Variants in HTR1F observed in about 807,000 individuals in gnomAD.
HTR1F encodes the protein 5-hydroxytryptamine receptor 1F.
HTR1F carries 17 observed loss-of-function variants against 24.0 expected under a neutral mutation model. The observed-to-expected ratio is 0.71, with a 90% CI of 0.48 to 1.06. The LOEUF (loss-of-function observed/expected upper bound fraction) is 1.06, where lower values mean the gene tolerates loss of function less well. Ranked by LOEUF, HTR1F falls within the 50% of genes least tolerant of loss-of-function variation. The probability of loss-of-function intolerance (pLI) is 0.00; values close to 1 mark genes in which losing one functional copy is unlikely to be tolerated. For synonymous variants in HTR1F, 186 were observed against 156.8 expected (o/e 1.19, Z -1.39); for missense variants, 391 against 427.8 (o/e 0.91, Z 0.76).
intron 2 of HTR1F, among the ~76,000 whole-genome samples, chr3:87,931,195 C>T (rs1704260775): frequency 6.6e-6 from 1 of 151,996 alleles, no homozygotes; most frequent in Admixed American, 6.6e-5. Context: ...CTATCACTCC[C>T]CCCTCCCCCA....
At chr3:87,877,455 C>A (rs1259353703) in intron 2 of HTR1F, among the ~76,000 whole-genome samples, 2 of 151,888 alleles carry the variant, frequency 1.3e-5, no homozygotes, top group African/African-American at 2.4e-5. Flanking sequence ...TGGGGGATTA[C>A]TAGTTACATG....
At chr3:87,930,264 A>G (rs1233668541) in intron 2 of HTR1F, among the ~76,000 whole-genome samples, 1 of 152,094 alleles carries the variant, frequency 6.6e-6, no homozygotes, top group Non-Finnish European at 1.5e-5. Context: ...TTCCTATTTG[A>G]TGCCCTCTGT....
At chr3:87,953,297 CTATT>C (rs1704873893) in intron 2 of HTR1F, among the ~76,000 whole-genome samples, 1 of 151,018 alleles carries the variant, frequency 6.6e-6, no homozygotes, top group African/African-American at 2.4e-5. Context: ...TGTTTGCAAA[CTATT>C]TATGTGACAA....
At chr3:87,812,096 G>A (rs1575896348) in intron 1 of HTR1F, among the ~76,000 whole-genome samples, 2 of 152,182 alleles carry the variant, frequency 1.3e-5, no homozygotes, top group East Asian at 3.9e-4. Context: ...CCCAGTCTTG[G>A]GCAGTCCTTT....
intron 2 of HTR1F, among the ~76,000 whole-genome samples, chr3:87,930,223 T>A (rs994752196): frequency 6.6e-6 from 1 of 152,228 alleles, no homozygotes; most frequent in Admixed American, 6.5e-5. Flanking sequence ...AATAGTGTCA[T>A]CTGCAAACAG....
chr3:87,971,036 C>T (rs542847199), intron 2 of HTR1F, among the ~76,000 whole-genome samples: 1 of 152,298 alleles, frequency 6.6e-6, no homozygotes, highest in East Asian at 1.9e-4. Context: ...CCACAGATGA[C>T]ACTACCTTCC....
chr3:87,860,707 T>A (rs547689267), intron 2 of HTR1F, among the ~76,000 whole-genome samples: 1 of 152,320 alleles, frequency 6.6e-6, no homozygotes, highest in Admixed American at 6.5e-5. Flanking sequence ...TCAGTCATAG[T>A]TCAGCATTCA....
intron 2 of HTR1F, among the ~76,000 whole-genome samples, chr3:87,966,740 C>T (rs1705171060): frequency 6.6e-6 from 1 of 152,060 alleles, no homozygotes. Flanking sequence ...TTTGTCAGGG[C>T]GTGGAAAATT....
intron 2 of HTR1F, among the ~76,000 whole-genome samples, chr3:87,937,865 A>G (rs1704463598): frequency 6.6e-6 from 1 of 151,072 alleles, no homozygotes; most frequent in South Asian, 2.1e-4. Flanking sequence ...CAGAGGTTGC[A>G]GTGAGCCGAG....
chr3:87,809,779 C>A (rs1240934044), intron 1 of HTR1F, among the ~76,000 whole-genome samples: 1 of 151,934 alleles, frequency 6.6e-6, no homozygotes, highest in Non-Finnish European at 1.5e-5. Flanking sequence ...CATGATTGTC[C>A]GATCTTTCTA....
At chr3:87,933,516 T>A (rs1314295375) in intron 2 of HTR1F, among the ~76,000 whole-genome samples, 2 of 152,202 alleles carry the variant, frequency 1.3e-5, no homozygotes, top group African/African-American at 4.8e-5. Flanking sequence ...TCTCAGGATA[T>A]AAAATCAATG....
chr3:87,900,070 G>A (rs981423989), intron 2 of HTR1F, among the ~76,000 whole-genome samples: 3 of 152,192 alleles, frequency 2.0e-5, no homozygotes, highest in African/African-American at 7.2e-5. Context: ...AAGGAGGCAT[G>A]TGTGCAGAAA....
chr3:87,948,085 A>G (rs1704751149), intron 2 of HTR1F, among the ~76,000 whole-genome samples: 2 of 152,346 alleles, frequency 1.3e-5, no homozygotes, highest in South Asian at 2.1e-4. Context: ...GAAAAATGTT[A>G]TAAAACATTA....
Position 87,855,607 on chromosome 3 carries a change from A to G in HTR1F, c.-43+33483A>G, listed in dbSNP as rs1180450045. 2.0e-5 allele frequency among the ~76,000 whole-genome samples: 3 copies of G among 152,146 alleles called. No individual in the cohort carries two copies. The East Asian group carries it at 5.8e-4, about 29-fold the overall frequency. ...AGAATTTTTTTTCTCTGTCCATTGT[A>G]TTACTTATACAGTTGTTCTGTCTTA... On this transcript the variant is annotated intron_variant, in intron 2 of 2. Transcript: ENST00000319595.
intron 2 of HTR1F, among the ~76,000 whole-genome samples, chr3:87,948,924 C>T (rs1271855053): frequency 6.6e-6 from 1 of 152,152 alleles, no homozygotes; most frequent in African/African-American, 2.4e-5. Flanking sequence ...AATAACAACC[C>T]TCTTGAATCT....
At chr3:87,793,448 A>G (rs1703851066) in intron 1 of HTR1F, 1 of 152,002 alleles carries the variant, frequency 6.6e-6, no homozygotes, top group South Asian at 2.1e-4. Context: ...GAGAGCTTCT[A>G]CCTCGCGGCT....
chr3:87,972,649 C>A (rs1004307659), intron 2 of HTR1F, among the ~76,000 whole-genome samples: 2 of 152,122 alleles, frequency 1.3e-5, no homozygotes, highest in African/African-American at 4.8e-5. Context: ...TCTAAACCTC[C>A]TTTTCTTGTG....
intron 2 of HTR1F, among the ~76,000 whole-genome samples, chr3:87,982,764 A>G (rs1237285373): frequency 6.6e-6 from 1 of 152,186 alleles, no homozygotes; most frequent in African/African-American, 2.4e-5. Flanking sequence ...AGTGGCCACT[A>G]TGTGTTTCCC....
At chr3:87,925,322 C>A (rs1185815540) in intron 2 of HTR1F, among the ~76,000 whole-genome samples, 1 of 152,096 alleles carries the variant, frequency 6.6e-6, no homozygotes, top group East Asian at 1.9e-4. Context: ...GTTGTGGAGG[C>A]TGTTGTGGGT....
Sources: allele counts gnomAD v4.1 joint callset (sites outside exome capture counted in the v4.1 genomes callset), GRCh38; gene constraint gnomAD v4.1.1; transcripts MANE v1.5; gene names NCBI Gene and HGNC (gene_info 2026-07-23, HGNC 2026-07-21).